The following PCDH15 variants were observed in gnomAD, a reference collection of about 807,000 sequenced individuals.
PCDH15 encodes the protein protocadherin related 15, also known as protocadherin-15.
PCDH15 carries 129 observed loss-of-function variants against 178.5 expected under a neutral mutation model. The ratio of observed to expected loss-of-function variants is 0.72; its 90% CI spans 0.63 to 0.84. PCDH15 has a LOEUF of 0.84. Ranked by LOEUF, PCDH15 falls within the 40% of genes least tolerant of loss-of-function variation. The probability of loss-of-function intolerance (pLI) is 0.00; values close to 1 mark genes in which losing one functional copy is unlikely to be tolerated. For missense variants in PCDH15, 2,230 were observed against 2,099.9 expected, an observed-to-expected ratio of 1.06 and a Z score of -1.21; for synonymous variants, 800 against 732.0, an observed-to-expected ratio of 1.09 and a Z score of -1.50.
intron 21 of PCDH15, among the ~76,000 whole-genome samples, chr10:53,986,315 A>T (rs1437762001): frequency 1.3e-5 from 2 of 152,160 alleles, no homozygotes; most frequent in South Asian, 2.1e-4. Context: ...TTTAAAACAA[A>T]TTTTTTTAAA....
At chr10:54,011,589 T>C (rs1023902264) in intron 20 of PCDH15, among the ~76,000 whole-genome samples, 5 of 152,282 alleles carry the variant, frequency 3.3e-5, no homozygotes, top group Admixed American at 2.0e-4. Flanking sequence ...ACAACAATCC[T>C]TAGGAAATAG....
chr10:55,353,824 C>T (rs1002306735), intron 2 of PCDH15, among the ~76,000 whole-genome samples: 11 of 152,078 alleles, frequency 7.2e-5, no homozygotes, highest in African/African-American at 2.2e-4. Context: ...AGTACTGTCC[C>T]GTGGGTTGTA....
chr10:55,485,379 C>G (rs1316577541), intron 2 of PCDH15, among the ~76,000 whole-genome samples: 1 of 151,622 alleles, frequency 6.6e-6, no homozygotes, highest in Non-Finnish European at 1.5e-5. Flanking sequence ...AAAATTCAAA[C>G]AATTGCAACC....
At chr10:55,615,148 A>G (rs1182526525) in intron 2 of PCDH15, among the ~76,000 whole-genome samples, 3 of 152,194 alleles carry the variant, frequency 2.0e-5, no homozygotes, top group Admixed American at 6.5e-5. Flanking sequence ...CATAACATGA[A>G]AATTCAAATG....
At chr10:55,327,588 T>G (rs1844066912) in intron 2 of PCDH15, among the ~76,000 whole-genome samples, 1 of 152,074 alleles carries the variant, frequency 6.6e-6, no homozygotes, top group South Asian at 2.1e-4. Context: ...AAAATGTACT[T>G]TAATGAGTCA....
At chr10:55,113,143 C>G (rs1218476135) in intron 2 of PCDH15, among the ~76,000 whole-genome samples, 1 of 152,090 alleles carries the variant, frequency 6.6e-6, no homozygotes, top group Non-Finnish European at 1.5e-5. Context: ...CTGTCATTTC[C>G]AAGCCACTCA....
chr10:54,104,532 C>A (rs1489021780), intron 15 of PCDH15, among the ~76,000 whole-genome samples: 2 of 152,072 alleles, frequency 1.3e-5, no homozygotes, highest in Non-Finnish European at 2.9e-5. Flanking sequence ...GCTTCTGAAG[C>A]CAGGAGTTAG....
chr10:55,029,394 GT>G (rs1840555349), intron 2 of PCDH15, among the ~76,000 whole-genome samples: 2 of 152,014 alleles, frequency 1.3e-5, no homozygotes, highest in African/African-American at 2.4e-5. Context: ...AGCAGATGTA[GT>G]GTGGTGCTGA....
At chr10:55,112,226 G>A (rs1837526486) in intron 2 of PCDH15, among the ~76,000 whole-genome samples, 1 of 152,040 alleles carries the variant, frequency 6.6e-6, no homozygotes, top group Admixed American at 6.5e-5. Flanking sequence ...GCTTTTGAGA[G>A]GTAAATTGAT....
intron 2 of PCDH15, among the ~76,000 whole-genome samples, chr10:55,415,174 T>C (rs1263701136): frequency 1.3e-5 from 2 of 151,644 alleles, no homozygotes; most frequent in African/African-American, 4.8e-5. Flanking sequence ...AATGATTATG[T>C]AGTTTTTTCA....
At chr10:55,312,476 T>C (rs899667099) in intron 1 of PCDH15, among the ~76,000 whole-genome samples, 2 of 152,138 alleles carry the variant, frequency 1.3e-5, no homozygotes, top group Admixed American at 6.5e-5. Context: ...CATTATGCCA[T>C]GCACTGTATA....
At position 55,214,455 on chromosome 10, in the gene PCDH15, A is replaced by AT. The variant is rs538360787; in HGVS notation, c.-155-47805dup. On this transcript the variant is annotated intron_variant, in intron 1 of 5. Transcript: ENST00000458638. ...TGTATTTAGACACGCACAAGTTTAA[A>AT]TTTTTTTTTGTCCTGGTGGAATTAG... is the stretch of plus-strand genomic sequence containing the variant. Among the ~76,000 whole-genome samples the AT allele has an allele frequency of 8.3e-4, 126 of 151,084 alleles. 1 individual carries two copies. The South Asian group carries it at 0.02, about 24-fold the overall frequency.
chr10:55,156,024 G>A (rs540074845), intron 2 of PCDH15, among the ~76,000 whole-genome samples: 38 of 152,170 alleles, frequency 2.5e-4, no homozygotes, highest in African/African-American at 8.7e-4. Flanking sequence ...GCAACAACAC[G>A]TGATCACAGG....
intron 1 of PCDH15, among the ~76,000 whole-genome samples, chr10:55,283,805 A>T (rs1842796135): frequency 1.3e-5 from 2 of 152,094 alleles, no homozygotes; most frequent in Non-Finnish European, 2.9e-5. Context: ...TAGAATAAGA[A>T]ATGCAACGTC....
chr10:55,547,448 C>G (rs766091248), intron 2 of PCDH15, among the ~76,000 whole-genome samples: 1 of 151,940 alleles, frequency 6.6e-6, no homozygotes, highest in Non-Finnish European at 1.5e-5. Flanking sequence ...ACAGAGATAT[C>G]CAGATTAACA....
At chr10:53,996,866 G>A (rs895802680) in intron 20 of PCDH15, among the ~76,000 whole-genome samples, 2 of 151,882 alleles carry the variant, frequency 1.3e-5, no homozygotes, top group Non-Finnish European at 2.9e-5. Context: ...TCTCCTCCAA[G>A]TCCCCTTTTT....
chr10:54,223,906 A>G (rs553769039), intron 9 of PCDH15, among the ~76,000 whole-genome samples: 3 of 152,304 alleles, frequency 2.0e-5, no homozygotes, highest in Admixed American at 2.0e-4. Flanking sequence ...TTAAACGCCA[A>G]GATGAACTTA....
chr10:55,152,449 T>G (rs2589431), intron 2 of PCDH15, among the ~76,000 whole-genome samples: 1 of 152,084 alleles, frequency 6.6e-6, no homozygotes, highest in Non-Finnish European at 1.5e-5. Context: ...TATATAATTT[T>G]TAAAAATGAA....
At chr10:54,672,184 A>T (rs375324691) in intron 1 of PCDH15, among the ~76,000 whole-genome samples, 3 of 151,852 alleles carry the variant, frequency 2.0e-5, no homozygotes, top group Admixed American at 6.6e-5. Context: ...CTGATTTTAC[A>T]TTATGGTGAG....
Sources: gnomAD v4.1 joint callset for allele counts (sites outside exome capture counted in the v4.1 genomes callset) on GRCh38, gnomAD v4.1.1 for gene constraint, MANE v1.5 for transcripts, NCBI Gene and HGNC (gene_info 2026-07-23, HGNC 2026-07-21) for gene names.